HOMER2: variants seen among roughly 807,000 people sequenced by gnomAD.
HOMER2 encodes the protein homer protein homolog 2.
Under a neutral mutation model 47.0 loss-of-function variants are expected in HOMER2, and 27 were observed. The ratio of observed to expected loss-of-function variants is 0.57; its 90% CI spans 0.42 to 0.79. The LOEUF is 0.79. Ranked by LOEUF, HOMER2 falls within the 30% of genes least tolerant of loss-of-function variation. The probability of loss-of-function intolerance (pLI) is 0.00; values close to 1 mark genes in which losing one functional copy is unlikely to be tolerated. For missense variants in HOMER2, 443 were observed against 435.0 expected, an observed-to-expected ratio of 1.02 and a Z score of -0.16; for synonymous variants, 161 against 163.8, an observed-to-expected ratio of 0.98 and a Z score of 0.13.
intron 1 of HOMER2, among the ~76,000 whole-genome samples, chr15:82,932,410 G>A (rs368361684): frequency 9.2e-5 from 14 of 151,728 alleles, no homozygotes; most frequent in African/African-American, 3.2e-4. Context: ...CAGGAGAATC[G>A]CTTGAACCTG....
intron 1 of HOMER2, among the ~76,000 whole-genome samples, chr15:82,915,019 A>T (rs75101981): frequency 2.0e-5 from 3 of 152,222 alleles, no homozygotes; most frequent in Non-Finnish European, 4.4e-5. Flanking sequence ...CAAAAAATAC[A>T]AAAACTAGCT....
intron 1 of HOMER2, among the ~76,000 whole-genome samples, chr15:82,938,103 G>A (rs911943537): frequency 1.3e-5 from 2 of 152,164 alleles, no homozygotes; most frequent in Admixed American, 1.3e-4. Flanking sequence ...TGGGCATGGT[G>A]GCTCATGCCT....
intron 1 of HOMER2, among the ~76,000 whole-genome samples, chr15:82,903,900 G>A (rs1402769003): frequency 1.3e-5 from 2 of 152,218 alleles, no homozygotes; most frequent in Non-Finnish European, 2.9e-5. Flanking sequence ...ACTTTGGGAG[G>A]CCAAGGCGGG....
intron 1 of HOMER2, among the ~76,000 whole-genome samples, chr15:82,904,905 A>G (rs958416914): frequency 2.0e-5 from 3 of 152,208 alleles, no homozygotes; most frequent in African/African-American, 7.2e-5. Flanking sequence ...AAATAAAATA[A>G]AAAATAGTTT....
intron 1 of HOMER2, among the ~76,000 whole-genome samples, chr15:82,899,663 T>A (rs533541640): frequency 6.6e-6 from 1 of 152,314 alleles, no homozygotes; most frequent in Admixed American, 6.5e-5. Context: ...GTAAGGTGGC[T>A]AGGTATAAAA....
intron 1 of HOMER2, among the ~76,000 whole-genome samples, chr15:82,920,209 G>A (rs1266161897): frequency 1.3e-5 from 2 of 152,058 alleles, no homozygotes; most frequent in Non-Finnish European, 2.9e-5. Context: ...CATAGTCTTC[G>A]CCATTGTTTT....
At chr15:82,870,728 G>A (rs2052148215) in intron 3 of HOMER2, among the ~76,000 whole-genome samples, 3 of 152,156 alleles carry the variant, frequency 2.0e-5, no homozygotes, top group South Asian at 4.1e-4. Flanking sequence ...ATGTTCTTAC[G>A]ATACTGAGTG....
At chr15:82,981,895 A>G (rs192220839) in intron 1 of HOMER2, among the ~76,000 whole-genome samples, 99 of 151,906 alleles carry the variant, frequency 6.5e-4, no homozygotes, top group African/African-American at 2.2e-3. Context: ...TTTCAGTGTG[A>G]GAAGATGAAA....
At chr15:82,921,243 G>A (rs2053721000) in intron 1 of HOMER2, among the ~76,000 whole-genome samples, 1 of 152,004 alleles carries the variant, frequency 6.6e-6, no homozygotes, top group African/African-American at 2.4e-5. Context: ...AGCCAAGATC[G>A]CACCACTGCA....
At position 82,868,523 on chromosome 15, in the gene HOMER2, T is replaced by TTTTATATATATATATATATATA. The variant is rs1453193520; in HGVS notation, c.295-4265_295-4264insTATATATATATATATATATAAA. The stretch of plus-strand genomic sequence containing the variant: ...AAGTTATATATATCACTTATTTATT[T>TTTTATATATATATATATATATA]TATATATATATATATATATTTTTTT... On this transcript the variant is annotated intron_variant, in intron 3 of 8. Coordinates refer to ENST00000450735, the MANE Select transcript of HOMER2 (RefSeq NM_004839.4). Among the ~76,000 whole-genome samples the TTTTATATATATATATATATATA allele has an allele frequency of 1.6e-4, 6 of 36,634 alleles. 1 individual carries two copies. Among genetic ancestry groups the TTTTATATATATATATATATATA allele is most frequent in the Non-Finnish European group, 2.3e-4 (5 of 21,470 alleles). 24.0% of individuals were successfully genotyped at this position (36,634 alleles called of 152,430 possible).
At chr15:82,959,413 G>A (rs2054612048) in intron 1 of HOMER2, 1 of 152,256 alleles carries the variant, frequency 6.6e-6, no homozygotes, top group African/African-American at 2.4e-5. Context: ...TGCACAGAGT[G>A]GCTGTTGGAT....
intron 1 of HOMER2, among the ~76,000 whole-genome samples, chr15:82,928,940 T>TAAAAACAAAAAAAAAAAAAAAAACAA (rs2053925993): frequency 2.5e-5 from 1 of 39,942 alleles, no homozygotes; most frequent in African/African-American, 1.5e-4. Flanking sequence ...AAATAAAAAC[T>TAAAAACAAAAAAAAAAAAAAAAACAA]AAAAAAAAAA....
At chr15:82,857,451 G>C (rs2051625347) in intron 5 of HOMER2, among the ~76,000 whole-genome samples, 1 of 87,332 alleles carries the variant, frequency 1.1e-5, no homozygotes, top group African/African-American at 4.6e-5. Context: ...TTTTTTTTGA[G>C]ACAGAGTCTT....
intron 5 of HOMER2, among the ~76,000 whole-genome samples, chr15:82,855,780 C>T (rs1462575902): frequency 6.6e-6 from 1 of 152,228 alleles, no homozygotes; most frequent in Non-Finnish European, 1.5e-5. Context: ...ACAAAGGCCT[C>T]ATGTTTCATC....
At chr15:82,856,257 A>G (rs992309396) in intron 5 of HOMER2, among the ~76,000 whole-genome samples, 1 of 152,214 alleles carries the variant, frequency 6.6e-6, no homozygotes, top group African/African-American at 2.4e-5. Context: ...CAGATTTGAA[A>G]ACATTTATTT....
At chr15:82,971,014 C>G (rs762386565) in intron 1 of HOMER2, among the ~76,000 whole-genome samples, 58 of 152,182 alleles carry the variant, frequency 3.8e-4, no homozygotes, top group African/African-American at 1.3e-3. Flanking sequence ...TCCTGGATAC[C>G]CAGACATAAG....
intron 1 of HOMER2, among the ~76,000 whole-genome samples, chr15:82,914,812 G>A (rs1275540054): frequency 6.6e-6 from 1 of 152,180 alleles, no homozygotes; most frequent in East Asian, 1.9e-4. Context: ...GAGTCCTTAG[G>A]AGGACAAAGG....
chr15:82,928,212 G>A (rs146166207), intron 1 of HOMER2, among the ~76,000 whole-genome samples: 433 of 152,216 alleles, frequency 2.8e-3, no homozygotes, highest in Non-Finnish European at 4.4e-3. Flanking sequence ...CTGCTTGGAC[G>A]CAGCTCTCTT....
chr15:82,968,497 G>A (rs1871658), intron 1 of HOMER2, among the ~76,000 whole-genome samples: 1 of 152,086 alleles, frequency 6.6e-6, no homozygotes, highest in Non-Finnish European at 1.5e-5. Flanking sequence ...AAAAGTCTCC[G>A]TCTCACCCCT....
Sources: allele counts gnomAD v4.1 joint callset (sites outside exome capture counted in the v4.1 genomes callset), GRCh38; gene constraint gnomAD v4.1.1; transcripts MANE v1.5; gene names NCBI Gene and HGNC (gene_info 2026-07-23, HGNC 2026-07-21).